NSD2: variants seen among roughly 807,000 people sequenced by gnomAD.
The protein encoded by NSD2 is nuclear receptor binding SET domain protein 2.
NSD2 carries 12 observed loss-of-function variants against 139.0 expected under a neutral mutation model. The observed-to-expected ratio is 0.09, with a 90% CI of 0.06 to 0.14. NSD2 has a LOEUF of 0.14. NSD2 is among the 10% of genes least tolerant of loss of function. The probability of loss-of-function intolerance (pLI) is 1.00; values close to 1 mark genes in which losing one functional copy is unlikely to be tolerated. For synonymous variants in NSD2, 669 were observed against 648.7 expected (o/e 1.03, Z -0.48); for missense variants, 1,155 against 1,745.0 (o/e 0.66, Z 6.02).
rs1252630598 is a variant in NSD2, at chr4:1,981,829, A to ATGAG, written c.*2923_*2926dup. ...GTCAGTTGCCAAATATCTTGATCCTATGAGTGTAGTTGATGACTGTTTGTT... is the reference window on the plus strand; with the variant it reads ...GTCAGTTGCCAAATATCTTGATCCTATGAGTGAGTGTAGTTGATGACTGTTTGTT... On this transcript the variant is annotated 3_prime_UTR_variant, in exon 22 of 22. Coordinates refer to ENST00000508803, the MANE Select transcript of NSD2 (RefSeq NM_001042424.3). 1.5e-5 allele frequency: 6 copies of ATGAG among 398,290 alleles called. No homozygotes were observed. Among genetic ancestry groups the ATGAG allele is most frequent in the Non-Finnish European group, 2.2e-5 (5 of 226,074 alleles). The allele number at this position is 398,290 out of a possible 1,614,324, so 24.7% of individuals were successfully genotyped here.
Position 1,930,623 on chromosome 4 carries a change from C to T in NSD2, c.1411-3C>T, listed in dbSNP as rs754312877. 1.8e-5 allele frequency: 29 copies of T among 1,597,486 alleles called. No individual in the cohort carries two copies. The Admixed American group carries it at 4.9e-4, about 27-fold the overall frequency. On this transcript the variant is annotated splice_region_variant and splice_polypyrimidine_tract_variant and intron_variant, in intron 5 of 21. Transcript: ENST00000508803. ...CTCATTGCACCTTCTCCCGTTCCCA[C>T]AGGTGGTAGCTGAGCACCCAGATGC...
chr4:1,907,635 T>G (rs931797630), intron 3 of NSD2, among the ~76,000 whole-genome samples: 15 of 148,694 alleles, frequency 1.0e-4, no homozygotes, highest in African/African-American at 3.7e-4. Flanking sequence ...TTTTTTTTTT[T>G]TTTGTGACAC....
At chr4:1,978,526 G>A in intron 21 of NSD2, 112 bp from the exon 22 acceptor site, 1 of 1,447,598 alleles carries the variant, frequency 6.9e-7, no homozygotes, top group Admixed American at 2.1e-5. Flanking sequence ...GCTGGAGCCA[G>A]CACTATTTTG....
In NSD2 at chr4:1,956,337, G is replaced by A; in HGVS notation, c.2881+149G>A. The A allele has an allele frequency of 1.5e-6, 1 of 677,786 alleles. No individual in the cohort carries two copies. Among genetic ancestry groups the A allele is most frequent in the Non-Finnish European group, 2.3e-6 (1 of 436,942 alleles). 42.0% of individuals were successfully genotyped at this position (677,786 alleles called of 1,614,324 possible). ...AAATTAGGAAAATGTTTGCAGTCTG[G>A]TTTATTTGTTGAGCATAGAATAAGA... On this transcript the variant is annotated intron_variant, in intron 15 of 21. Transcript: ENST00000508803. The surrounding 1 kb of genome is among the most constrained non-coding windows in gnomAD (Gnocchi z 5.3).
At chr4:1,975,252 G>A in intron 19 of NSD2, 42 bp from the exon 20 acceptor site, 2 of 1,585,966 alleles carry the variant, frequency 1.3e-6, no homozygotes, top group African/African-American at 1.3e-5. Flanking sequence ...TGAAGAGAAA[G>A]GCAGGTGTTT....
In NSD2 at chr4:1,972,383, C is replaced by A. The variant is rs1323097925; in HGVS notation, c.3373-2480C>A. On this transcript the variant is annotated intron_variant, in intron 18 of 21. Coordinates refer to ENST00000508803, the MANE Select transcript of NSD2 (RefSeq NM_001042424.3). This position sits in a 1 kb window ranked among gnomAD's most constrained non-coding sequence, Gnocchi z 4.0. ...GTAGGTGCGATAAAAATAGCAAAAA[C>A]GTTTAAATATACCTGGACAGGCAAT... Among the ~76,000 whole-genome samples the A allele has an allele frequency of 6.6e-6, 1 of 152,184 alleles. No individual in the cohort carries two copies. Among genetic ancestry groups the A allele is most frequent in the African/African-American group, 2.4e-5 (1 of 41,454 alleles).
chr4:1,970,240 T>C (rs1227103866), intron 18 of NSD2, among the ~76,000 whole-genome samples: 2 of 152,124 alleles, frequency 1.3e-5, no homozygotes, highest in African/African-American at 4.8e-5. Flanking sequence ...ACAAAAAGCC[T>C]AAATTGCTTC....
At chr4:1,933,984 T>C (rs1030706249) in intron 6 of NSD2, among the ~76,000 whole-genome samples, 2 of 152,106 alleles carry the variant, frequency 1.3e-5, no homozygotes, top group Admixed American at 1.3e-4. Flanking sequence ...CTACTTAACA[T>C]GTTTAAGGAA....
In NSD2 at chr4:1,982,071, G is replaced by A. The variant is rs1433349054; in HGVS notation, c.*3162G>A. On this transcript the variant is annotated 3_prime_UTR_variant, in exon 22 of 22. Transcript: ENST00000508803. ...AAAACTTGAAATTCACTTTTTGGGG[G>A]GAGGGATATACTGAAATAGAGAGTT... 1.8e-5 allele frequency: 7 copies of A among 397,186 alleles called. No individual in the cohort carries two copies. The East Asian group carries it at 2.1e-4, about 12-fold the overall frequency. The allele number at this position is 397,186 out of a possible 1,614,324, so 24.6% of individuals were successfully genotyped here.
At position 1,958,540 on chromosome 4, in the gene NSD2, G is replaced by T. The variant is rs1036022965; in HGVS notation, c.2985+504G>T. ...GGGCAGGGCTCTGTGAGAGCTCCAG[G>T]CCCCTCAGGGCTGCCTGCGCTCAGA... On this transcript the variant is annotated intron_variant, in intron 16 of 21. Transcript: ENST00000508803. The surrounding 1 kb of genome is among the most constrained non-coding windows in gnomAD (Gnocchi z 4.6). Among the ~76,000 whole-genome samples, 4 of 152,252 alleles carry T rather than the reference G, an allele frequency of 2.6e-5. No homozygotes were observed. The highest frequency in any genetic ancestry group is 7.2e-5 in the African/African-American group (3 of 41,476).
At chr4:1,931,006 C>T (rs558985823) in intron 6 of NSD2, among the ~76,000 whole-genome samples, 2 of 152,246 alleles carry the variant, frequency 1.3e-5, no homozygotes, top group Admixed American at 1.3e-4. Flanking sequence ...GGCTCCCTTG[C>T]TCTCCTACCC....
chr4:1,926,620 G>A (rs771542688), intron 5 of NSD2, among the ~76,000 whole-genome samples: 4 of 151,084 alleles, frequency 2.6e-5, no homozygotes, highest in East Asian at 2.0e-4. Context: ...ACTGGTGCAC[G>A]CCACCACACC....
Position 1,901,087 on chromosome 4 carries a change from G to A in NSD2, c.433G>A (p.Gly145Ser). ...GCCTCTCTTTGAATCTTCCATTTGT[G>A]GTGACAGTGCTGCTGATGTGTCTCA... is the stretch of plus-strand genomic sequence containing the variant. ...GKPLFESSIC[G>S]DSAADVSQSE... Residue 145 changes from glycine (G) to serine (S), a missense_variant, in exon 2 of 22, where the codon GGT becomes AGT. Gly to Ser is a moderately conservative substitution (Grantham distance 56). Coordinates refer to ENST00000508803, the MANE Select transcript of NSD2 (RefSeq NM_001042424.3). The A allele has an allele frequency of 6.2e-7, 1 of 1,614,144 alleles. No homozygotes were observed. Among genetic ancestry groups the A allele is most frequent in the Non-Finnish European group, 8.5e-7 (1 of 1,180,028 alleles).
Position 1,900,597 on chromosome 4 carries a change from T to C in NSD2, c.-29-29T>C, listed in dbSNP as rs1173306889. ...AGGTTTTAAATGTAATTGCTTTTTC[T>C]TTCTTTTTTCTTTTTTTTAATACCA... On this transcript the variant is annotated intron_variant, in intron 1 of 21. Transcript: ENST00000508803. The C allele has an allele frequency of 4.2e-6, 6 of 1,443,812 alleles. No homozygotes were observed. In the African/African-American group the frequency reaches 8.5e-5, roughly 21 times the overall value. The allele number at this position is 1,443,812 out of a possible 1,614,324, so 89.4% of individuals were successfully genotyped here.
chr4:1,976,633 C>T lies in NSD2; in HGVS notation c.3780C>T (p.Thr1260=), dbSNP rs758163785. ...TGCTGTGTGACCGCAAGTTCTGCACCAAGGCCTACCACCTGTCCTGCCTGG... is the reference window on the plus strand; with the variant it reads ...TGCTGTGTGACCGCAAGTTCTGCACTAAGGCCTACCACCTGTCCTGCCTGG... ...QLVLCDRKFC[T]KAYHLSCLGL... Residue 1260 remains threonine (T), a synonymous_variant, in exon 21 of 22, where the codon ACC becomes ACT. Transcript: ENST00000508803. This position sits in a 1 kb window ranked among gnomAD's most constrained non-coding sequence, Gnocchi z 5.3. 6.2e-7 allele frequency: 1 copy of T among 1,606,054 alleles called. No individual in the cohort carries two copies. The highest frequency in any genetic ancestry group is 1.1e-5 in the South Asian group (1 of 89,732).
chr4:1,975,360 G>A lies in NSD2; in HGVS notation c.3581G>A (p.Gly1194Glu), dbSNP rs2109021797. ...LGNEKTVCRC[G>E]ASNCSGFLGD... ...AATGAAAAAACGGTCTGCCGGTGTG[G>A]AGCCTCCAATTGCAGTGGATTCCTC... Residue 1194 changes from glycine (G) to glutamate (E), a missense_variant, in exon 20 of 22, where the codon GGA (glycine) becomes GAA (glutamate). Transcript: ENST00000508803. 1.2e-6 allele frequency: 2 copies of A among 1,614,138 alleles called. No homozygotes were observed. The highest frequency in any genetic ancestry group is 1.7e-6 in the Non-Finnish European group (2 of 1,180,040).
intron 1 of NSD2, among the ~76,000 whole-genome samples, chr4:1,884,671 C>T (rs1379226394): frequency 1.3e-5 from 2 of 151,988 alleles, no homozygotes; most frequent in African/African-American, 4.8e-5. Flanking sequence ...GGATTATAGG[C>T]GTGAGCCACT....
intron 6 of NSD2, among the ~76,000 whole-genome samples, chr4:1,934,503 TA>T (rs1367228573): frequency 2.7e-5 from 4 of 149,156 alleles, no homozygotes; most frequent in Non-Finnish European, 6.0e-5. Flanking sequence ...CAAAAATAAA[TA>T]AATAGATAAA....
intron 5 of NSD2, among the ~76,000 whole-genome samples, chr4:1,930,153 G>C (rs116613038): frequency 6.6e-6 from 1 of 152,122 alleles, no homozygotes; most frequent in Non-Finnish European, 1.5e-5. Context: ...AAGCCAGCTC[G>C]CACTCCTTGG....
Sources: allele counts gnomAD v4.1 joint callset (sites outside exome capture counted in the v4.1 genomes callset), GRCh38; gene constraint gnomAD v4.1.1; non-coding constraint Gnocchi (gnomAD v3.1); transcripts MANE v1.5; gene names NCBI Gene and HGNC (gene_info 2026-07-23, HGNC 2026-07-21).